RBM39: variants seen among roughly 807,000 people sequenced by gnomAD.
RBM39 encodes the protein RNA-binding protein 39.
RBM39 carries 12 observed loss-of-function variants against 79.6 expected under a neutral mutation model. The observed-to-expected ratio is 0.15, with a 90% CI of 0.10 to 0.24. The LOEUF is 0.24. Ranked by LOEUF, RBM39 falls within the 10% of genes least tolerant of loss-of-function variation. The pLI, the probability that RBM39 is intolerant of heterozygous loss-of-function variation, is 1.00. For synonymous variants in RBM39, 185 were observed against 208.4 expected (o/e 0.89, Z 0.97); for missense variants, 243 against 653.4 (o/e 0.37, Z 6.85).
rs959487629 is a variant in RBM39, at chr20:35,701,502, C to G, written c.*2979G>C. The G allele has an allele frequency of 6.6e-6, 1 of 152,496 alleles. No homozygotes were observed. Among genetic ancestry groups the G allele is most frequent in the Non-Finnish European group, 1.5e-5 (1 of 68,376 alleles). The allele number at this position is 152,496 out of a possible 1,614,324, so 9.4% of individuals were successfully genotyped here. A position where few individuals can be genotyped will look rare whatever the true frequency, so the allele number is the denominator to read the frequency against. ...GGCGCGGTGGCTTATGCCTGTAATC[C>G]CAGCACTTTGGGAGGCAAAGGCTGG... On this transcript the variant is annotated 3_prime_UTR_variant, in exon 17 of 17. Coordinates refer to ENST00000253363, the MANE Select transcript of RBM39 (RefSeq NM_184234.3).
intron 4 of RBM39, 179 bp downstream of exon 4, chr20:35,731,762 A>G: frequency 1.5e-6 from 1 of 657,188 alleles, no homozygotes; most frequent in Non-Finnish European, 2.6e-6. Context: ...ATTTTTACTT[A>G]TTTGTCTATG....
intron 6 of RBM39, among the ~76,000 whole-genome samples, chr20:35,726,466 A>T (rs1600542682): frequency 6.6e-6 from 1 of 152,290 alleles, no homozygotes; most frequent in East Asian, 1.9e-4. Flanking sequence ...AGGGTCAACC[A>T]GAAGCCTGAC....
At chr20:35,740,722 A>T in intron 2 of RBM39, 102 bp downstream of exon 2, 1 of 1,351,566 alleles carries the variant, frequency 7.4e-7, no homozygotes, top group Non-Finnish European at 1.0e-6. Flanking sequence ...GATAAGATAA[A>T]TCAAGAGGGC....
intron 14 of RBM39, 40 bp downstream of exon 14, chr20:35,707,080 G>T (rs747154286): frequency 6.3e-6 from 5 of 793,158 alleles, no homozygotes; most frequent in Non-Finnish European, 8.0e-6. Context: ...CTCTATTGAC[G>T]CCTTGATAGG....
At chr20:35,724,458 CA>C (rs2038402826) in intron 8 of RBM39, 111 bp downstream of exon 8, 1 of 902,282 alleles carries the variant, frequency 1.1e-6, no homozygotes. Context: ...GTCCTGAAAA[CA>C]TCCGACTCAA....
At chr20:35,740,034 A>G (rs186561687) in intron 2 of RBM39, 2 of 158,352 alleles carry the variant, frequency 1.3e-5, no homozygotes, top group Non-Finnish European at 2.8e-5. Context: ...GTCAAAGACT[A>G]TATTAGCCAA....
chr20:35,740,888 C>T lies in RBM39; in HGVS notation c.-13-1G>A. The T allele has an allele frequency of 6.2e-7, 1 of 1,605,264 alleles. No individual in the cohort carries two copies. Among genetic ancestry groups the T allele is most frequent in the Non-Finnish European group, 8.5e-7 (1 of 1,174,228 alleles). ...ATCGTCTGCCATTTTCTCTAAACGC[C>T]TAGGAAGAGAACAAGACAATTTCTT... On this transcript the variant is annotated splice_acceptor_variant, in intron 1 of 16. Transcript: ENST00000253363. LOFTEE classifies it low-confidence loss of function (5UTR_SPLICE).
rs2037975319 is a variant in RBM39 at position 35,721,853 on chromosome 20, T to C, written c.712A>G (p.Met238Val). ...CTTCCCTTTTGTAAATTGTTTGCCA[T>C]TGCTGCAGCTCTGTTTTTTTCTGCC... ...SQAEKNRAAA[M>V]ANNLQKGSAG... Residue 238 changes from methionine to valine, a missense_variant, in exon 9 of 17, where the codon ATG becomes GTG. By Grantham distance (21) the Met-to-Val change is conservative. Coordinates refer to ENST00000253363, the MANE Select transcript of RBM39 (RefSeq NM_184234.3). 2.5e-6 allele frequency: 4 copies of C among 1,613,996 alleles called. No homozygotes were observed. The East Asian group carries it at 6.7e-5, about 27-fold the overall frequency.
At chr20:35,728,261 A>T (rs1210796231) in intron 6 of RBM39, among the ~76,000 whole-genome samples, 1 of 152,210 alleles carries the variant, frequency 6.6e-6, no homozygotes, top group Non-Finnish European at 1.5e-5. Context: ...ATAACTCATT[A>T]TTTATTAATT....
intron 12 of RBM39, among the ~76,000 whole-genome samples, chr20:35,711,701 AGTC>A (rs1276888473): frequency 2.6e-5 from 4 of 152,234 alleles, no homozygotes; most frequent in Non-Finnish European, 5.9e-5. Flanking sequence ...TAAAAACAAA[AGTC>A]GTCTTCTACT....
At chr20:35,739,171 A>G in intron 2 of RBM39, 154 bp from the exon 3 acceptor site, 1 of 709,018 alleles carries the variant, frequency 1.4e-6, no homozygotes, top group African/African-American at 1.8e-5. Flanking sequence ...AAAAATTTAG[A>G]TGGGTATGTG....
intron 9 of RBM39, 60 bp downstream of exon 9, chr20:35,721,680 T>C: frequency 6.5e-7 from 1 of 1,539,076 alleles, no homozygotes; most frequent in Non-Finnish European, 8.9e-7. Context: ...CATACAGAAA[T>C]TATGTAGTTA....
rs542856816 is a variant in RBM39, at chr20:35,740,895, G to A, written c.-13-8C>T. 24 of 1,596,962 alleles carry A rather than the reference G, an allele frequency of 1.5e-5. No homozygotes were observed. The highest frequency in any genetic ancestry group is 9.4e-5 in the African/African-American group (7 of 74,154). On this transcript the variant is annotated splice_region_variant and splice_polypyrimidine_tract_variant and intron_variant, in intron 1 of 16. Transcript: ENST00000253363. ...GCCATTTTCTCTAAACGCCTAGGAA[G>A]AGAACAAGACAATTTCTTGAGTAAA... is the stretch of plus-strand genomic sequence containing the variant.
At chr20:35,711,753 T>C (rs2036445302) in intron 12 of RBM39, among the ~76,000 whole-genome samples, 1 of 152,238 alleles carries the variant, frequency 6.6e-6, no homozygotes, top group Non-Finnish European at 1.5e-5. Flanking sequence ...AAGAAAATCA[T>C]GAAGCAACCA....
At chr20:35,705,398 C>A in intron 14 of RBM39, 68 bp from the exon 15 acceptor site, 3 of 880,406 alleles carry the variant, frequency 3.4e-6, no homozygotes, top group South Asian at 1.7e-5. Context: ...ACAAATGTAT[C>A]AAAAAATTTA....
At chr20:35,739,346 C>G in intron 2 of RBM39, 1 of 457,070 alleles carries the variant, frequency 2.2e-6, no homozygotes, top group Non-Finnish European at 4.5e-6. Flanking sequence ...AACATGAAGT[C>G]CTGTTTTGAG....
At chr20:35,731,875 G>T in intron 4 of RBM39, 66 bp downstream of exon 4, 2 of 1,389,174 alleles carry the variant, frequency 1.4e-6, no homozygotes, top group Non-Finnish European at 2.0e-6. Flanking sequence ...AATCACTCAA[G>T]TTAAACTGCC....
chr20:35,724,865 T>C, intron 7 of RBM39, 143 bp from the exon 8 acceptor site: 2 of 1,169,312 alleles, frequency 1.7e-6, no homozygotes, highest in East Asian at 2.5e-5. Flanking sequence ...ATATCCTATC[T>C]TTATCTTTGA....
chr20:35,725,890 T>C (rs1219630575), intron 6 of RBM39, among the ~76,000 whole-genome samples: 1 of 151,308 alleles, frequency 6.6e-6, no homozygotes, highest in African/African-American at 2.4e-5. Flanking sequence ...TCTCCAACTT[T>C]TGATCTCAGG....
Sources: allele counts gnomAD v4.1 joint callset (sites outside exome capture counted in the v4.1 genomes callset), GRCh38; gene constraint gnomAD v4.1.1; transcripts MANE v1.5; gene names NCBI Gene and HGNC (gene_info 2026-07-23, HGNC 2026-07-21).